The following VPS13B variants were observed in gnomAD, a reference collection of about 807,000 sequenced individuals.
VPS13B encodes the protein vacuolar protein sorting 13 homolog B, also known as intermembrane lipid transfer protein VPS13B.
VPS13B carries 285 observed loss-of-function variants against 426.4 expected under a neutral mutation model. The observed-to-expected ratio is 0.67, with a 90% CI of 0.61 to 0.74. The LOEUF (loss-of-function observed/expected upper bound fraction) is 0.74. Among genes scored for constraint, VPS13B ranks in the 30% least tolerant of loss-of-function variants. The pLI is 0.00. For missense variants in VPS13B, 4,537 were observed against 4,782.6 expected (o/e 0.95, Z 1.51); for synonymous variants, 1,676 against 1,676.4 (o/e 1.00, Z 0.01).
At chr8:99,288,363 G>T (rs1319853560) in intron 19 of VPS13B, among the ~76,000 whole-genome samples, 1 of 151,822 alleles carries the variant, frequency 6.6e-6, no homozygotes, top group Non-Finnish European at 1.5e-5. Context: ...AAACATAATA[G>T]ATATTAAAAA....
chr8:99,162,231 T>C (rs555013787), intron 15 of VPS13B, among the ~76,000 whole-genome samples: 17 of 152,092 alleles, frequency 1.1e-4, no homozygotes, highest in Non-Finnish European at 2.5e-4. Context: ...ATTACTTGGG[T>C]TGATTTTAGT....
At chr8:99,149,471 C>T (rs1463167276) in intron 14 of VPS13B, among the ~76,000 whole-genome samples, 2 of 152,104 alleles carry the variant, frequency 1.3e-5, no homozygotes, top group African/African-American at 4.8e-5. Flanking sequence ...GCGCATGCCA[C>T]CACGCCCGAC....
At chr8:99,356,277 G>C (rs1296035071) in intron 19 of VPS13B, among the ~76,000 whole-genome samples, 1 of 152,038 alleles carries the variant, frequency 6.6e-6, no homozygotes, top group African/African-American at 2.4e-5. Flanking sequence ...GTGTATTTAG[G>C]AGTTTTTCAT....
At chr8:99,213,870 C>T (rs898496076) in intron 17 of VPS13B, among the ~76,000 whole-genome samples, 11 of 151,240 alleles carry the variant, frequency 7.3e-5, no homozygotes, top group Admixed American at 3.9e-4. Context: ...TATCCTAGCC[C>T]GTCAGAGGCT....
At chr8:99,352,394 T>TA (rs1179884327) in intron 19 of VPS13B, among the ~76,000 whole-genome samples, 2 of 152,218 alleles carry the variant, frequency 1.3e-5, no homozygotes, top group African/African-American at 2.4e-5. Flanking sequence ...GCAGCCATCT[T>TA]ACACAGCATG....
chr8:99,582,206 ATTAGT>A (rs1314695668), intron 33 of VPS13B, among the ~76,000 whole-genome samples: 1 of 152,226 alleles, frequency 6.6e-6, no homozygotes, highest in Non-Finnish European at 1.5e-5. Flanking sequence ...AATCATGGGC[ATTAGT>A]TTATTTATTA....
chr8:99,483,402 A>G (rs983313635), intron 25 of VPS13B, among the ~76,000 whole-genome samples: 2 of 152,306 alleles, frequency 1.3e-5, no homozygotes, highest in East Asian at 1.9e-4. Context: ...TTCCAATATT[A>G]TTAGCATACA....
chr8:99,362,334 G>A (rs762227008), intron 19 of VPS13B, among the ~76,000 whole-genome samples: 24 of 151,730 alleles, frequency 1.6e-4, no homozygotes, highest in Non-Finnish European at 3.1e-4. Context: ...AGTAGAGCCC[G>A]GGTTTCACTG....
chr8:99,265,909 G>A (rs576055024), intron 17 of VPS13B, among the ~76,000 whole-genome samples: 8 of 152,186 alleles, frequency 5.3e-5, no homozygotes, highest in South Asian at 2.1e-4. Flanking sequence ...GTTTGAGAGC[G>A]GCCTATTTGG....
At chr8:99,710,023 C>T (rs1189630292) in intron 36 of VPS13B, among the ~76,000 whole-genome samples, 3 of 152,134 alleles carry the variant, frequency 2.0e-5, no homozygotes, top group African/African-American at 7.2e-5. Flanking sequence ...TAATAATATT[C>T]ATGCTTTTAA....
intron 43 of VPS13B, among the ~76,000 whole-genome samples, chr8:99,787,555 G>A (rs1812330012): frequency 6.6e-6 from 1 of 152,144 alleles, no homozygotes. Context: ...AGATCAGGTT[G>A]GATGAGAACA....
chr8:99,032,264 C>T (rs1312493119), intron 2 of VPS13B, among the ~76,000 whole-genome samples: 1 of 152,104 alleles, frequency 6.6e-6, no homozygotes, highest in Non-Finnish European at 1.5e-5. Context: ...TCAAACTGCT[C>T]TATTTGTTGT....
chr8:99,077,402 TC>T (rs1845191239), intron 3 of VPS13B, among the ~76,000 whole-genome samples: 1 of 152,060 alleles, frequency 6.6e-6, no homozygotes, highest in Non-Finnish European at 1.5e-5. Flanking sequence ...ACTCCCGACT[TC>T]ATGTGATCTG....
chr8:99,696,609 C>G lies in VPS13B; in HGVS notation c.6047-2916C>G. On this transcript the variant is annotated intron_variant, in intron 35 of 61. Coordinates refer to ENST00000357162, the MANE Select transcript of VPS13B (RefSeq NM_152564.5). ...GACCCAGTCCATCAAGGAGGAGAGCCTGAAGGAGCTTCGGGTCAACCTGGA... is the reference window on the plus strand; with the variant it reads ...GACCCAGTCCATCAAGGAGGAGAGCGTGAAGGAGCTTCGGGTCAACCTGGA... 7.8e-6 allele frequency: 5 copies of G among 642,678 alleles called. No homozygotes were observed. The South Asian group carries it at 7.8e-5, about 10-fold the overall frequency. 39.8% of individuals were successfully genotyped at this position (642,678 alleles called of 1,614,324 possible).
At chr8:99,808,942 A>C (rs750342292) in intron 43 of VPS13B, among the ~76,000 whole-genome samples, 1 of 152,100 alleles carries the variant, frequency 6.6e-6, no homozygotes, top group Non-Finnish European at 1.5e-5. Flanking sequence ...CAAAAGAAAA[A>C]AGGTATGACA....
At position 99,621,820 on chromosome 8, in the gene VPS13B, CTTTT is replaced by C. The variant is rs749078781; in HGVS notation, c.5221-19970_5221-19967del. On this transcript the variant is annotated intron_variant, in intron 33 of 61. Coordinates refer to ENST00000357162, the MANE Select transcript of VPS13B (RefSeq NM_152564.5). Reference sequence around the variant, plus strand: ...TGTTTGTTTGTTTTTTGTTTTGTTTCTTTTTTTTTTTTTTTTTTTTTTTTGAGAC... The same window carrying C: ...TGTTTGTTTGTTTTTTGTTTTGTTTCTTTTTTTTTTTTTTTTTTTTGAGAC... Among the ~76,000 whole-genome samples the C allele has an allele frequency of 1.1e-4, 9 of 83,236 alleles. No individual in the cohort carries two copies. In the East Asian group the frequency reaches 3.5e-3, roughly 32 times the overall value. 54.6% of individuals were successfully genotyped at this position (83,236 alleles called of 152,430 possible).
At position 99,520,928 on chromosome 8, in the gene VPS13B, G is replaced by T. The variant is rs1822352324; in HGVS notation, c.4663G>T (p.Val1555Phe). The change falls in exon 30 of 62, where the codon GTT becomes TTT. Residue 1555 changes from valine (V) to phenylalanine (F), a missense_variant. This residue lies in a region of VPS13B where 4,311 missense variants were observed against 4,474.3 expected (regional missense o/e 0.96). Transcript: ENST00000357162. Reference sequence around the variant, plus strand: ...TCAGGCAGCAAAAGAAGACACTGTGGTTTTGAAGATTGGCTCTGTTGCCAT... The same window carrying T: ...TCAGGCAGCAAAAGAAGACACTGTGTTTTTGAAGATTGGCTCTGTTGCCAT... ...ANQAAKEDTV[V>F]LKIGSVAMAP... 2.3e-5 allele frequency: 37 copies of T among 1,613,794 alleles called. No individual in the cohort carries two copies. Among genetic ancestry groups the T allele is most frequent in the Non-Finnish European group, 3.1e-5 (37 of 1,179,758 alleles).
chr8:99,357,887 C>T (rs965242671), intron 19 of VPS13B, among the ~76,000 whole-genome samples: 2 of 152,086 alleles, frequency 1.3e-5, no homozygotes, highest in Admixed American at 1.3e-4. Context: ...CGGAAAGAGG[C>T]GCAGAAGTCA....
chr8:99,782,322 C>T (rs1406481967), intron 42 of VPS13B, among the ~76,000 whole-genome samples: 1 of 151,972 alleles, frequency 6.6e-6, no homozygotes, highest in African/African-American at 2.4e-5. Flanking sequence ...GAAGATAAAA[C>T]TGTAAAGAAT....
Sources: allele counts gnomAD v4.1 joint callset (sites outside exome capture counted in the v4.1 genomes callset), GRCh38; gene constraint gnomAD v4.1.1; regional missense constraint gnomAD v4.1.1; transcripts MANE v1.5; gene names NCBI Gene and HGNC (gene_info 2026-07-23, HGNC 2026-07-21).